ADCY3: variants seen among roughly 807,000 people sequenced by gnomAD.
ADCY3 encodes the protein adenylate cyclase type 3.
In ADCY3, 70 loss-of-function variants were observed where a neutral mutation model predicts 119.4. The ratio of observed to expected loss-of-function variants is 0.59; its 90% CI spans 0.48 to 0.72. ADCY3 has a LOEUF of 0.72. Ranked by LOEUF, ADCY3 falls within the 30% of genes least tolerant of loss-of-function variation. The pLI is 0.00. For missense variants in ADCY3, 1,238 were observed against 1,541.6 expected, an observed-to-expected ratio of 0.80 and a Z score of 3.30; for synonymous variants, 672 against 621.4, an observed-to-expected ratio of 1.08 and a Z score of -1.21.
At chr2:24,901,368 C>G (rs1340108518) in intron 2 of ADCY3, among the ~76,000 whole-genome samples, 1 of 152,140 alleles carries the variant, frequency 6.6e-6, no homozygotes, top group Non-Finnish European at 1.5e-5. Flanking sequence ...ATTTACATAA[C>G]TTAATTAAAT....
chr2:24,834,492 C>T lies in ADCY3; in HGVS notation c.1960G>A (p.Asp654Asn), dbSNP rs763246351. ...LCTALVEILIDPWLMTNYVTF... is the reference protein window; with the variant it reads ...LCTALVEILINPWLMTNYVTF... ...CCCCGGCCCCTCCCTCACCAGGGGT[C>T]GATGAGTATCTCGACCAGGGCCGTG... Residue 654 changes from aspartate to asparagine, a missense_variant, in exon 11 of 22, where the codon GAC becomes AAC. Transcript: ENST00000679454. This position sits in a 1 kb window ranked among gnomAD's most constrained non-coding sequence, Gnocchi z 4.2. 4.4e-6 allele frequency: 7 copies of T among 1,606,248 alleles called. No individual in the cohort carries two copies. Among genetic ancestry groups the T allele is most frequent in the South Asian group, 2.2e-5 (2 of 90,788 alleles).
intron 2 of ADCY3, among the ~76,000 whole-genome samples, chr2:24,917,760 G>A (rs140679955): frequency 2.6e-5 from 4 of 152,268 alleles, no homozygotes; most frequent in Non-Finnish European, 5.9e-5. Context: ...CCGAGCTCCC[G>A]GAGGCAGGAA....
intron 2 of ADCY3, among the ~76,000 whole-genome samples, chr2:24,895,247 C>G (rs902737047): frequency 6.6e-6 from 1 of 151,508 alleles, no homozygotes; most frequent in East Asian, 1.9e-4. Flanking sequence ...CACACCACCA[C>G]GCCCAGCTAA....
At chr2:24,870,116 A>C (rs1311550158) in intron 3 of ADCY3, among the ~76,000 whole-genome samples, 2 of 151,572 alleles carry the variant, frequency 1.3e-5, no homozygotes, top group African/African-American at 4.8e-5. Context: ...TTTTGAGACC[A>C]GCCTGGCCAA....
rs1247754625 is a variant in ADCY3, at chr2:24,824,404, A to G, written c.2710T>C (p.Phe904Leu). ...TCATCTCTCTTCTTGGACCCCAGGA[A>G]ATGGCGTGCCACGTGCTCAGGCAAC... ...NMLPEHVARHFLGSKKRDEEL... is the reference protein window; with the variant it reads ...NMLPEHVARHLLGSKKRDEEL... The change falls in exon 17 of 22, where the codon TTC becomes CTC. Residue 904 changes from phenylalanine (F) to leucine (L), a missense_variant. Physicochemically the swap from Phe to Leu is conservative, Grantham distance 22. This residue lies in a region of ADCY3 where 499 missense variants were observed against 571.0 expected (regional missense o/e 0.87). Transcript: ENST00000679454. The G allele has an allele frequency of 6.2e-7, 1 of 1,614,194 alleles. No individual in the cohort carries two copies.
At chr2:24,839,229 A>C (rs1367400034) in intron 7 of ADCY3, among the ~76,000 whole-genome samples, 1 of 152,184 alleles carries the variant, frequency 6.6e-6, no homozygotes, top group Non-Finnish European at 1.5e-5. Flanking sequence ...GGCGTGAGCC[A>C]CAAGATCCAA....
intron 3 of ADCY3, among the ~76,000 whole-genome samples, chr2:24,845,825 G>A (rs1671591545): frequency 6.6e-6 from 1 of 152,216 alleles, no homozygotes. Flanking sequence ...GTAGTTTCGT[G>A]GGCCAGGCCC....
At chr2:24,822,960 A>G (rs1668010916) in intron 18 of ADCY3, among the ~76,000 whole-genome samples, 1 of 152,168 alleles carries the variant, frequency 6.6e-6, no homozygotes, top group South Asian at 2.1e-4. Flanking sequence ...CAGGACAGAG[A>G]GGTCTCGAGA....
intron 3 of ADCY3, among the ~76,000 whole-genome samples, chr2:24,868,484 T>C (rs1186747542): frequency 6.6e-6 from 1 of 151,878 alleles, no homozygotes; most frequent in Non-Finnish European, 1.5e-5. Context: ...ACCCTGTCTT[T>C]ACTACAAATA....
In ADCY3 at chr2:24,841,333, G is replaced by A. The variant is rs773307411; in HGVS notation, c.1122C>T (p.Cys374=). The change falls in exon 6 of 22, where the codon TGC becomes TGT. Residue 374 remains cysteine (C), a synonymous_variant. Transcript: ENST00000679454. The surrounding 1 kb of genome is among the most constrained non-coding windows in gnomAD (Gnocchi z 5.8). ...GGTCCTCCCGGTAGTCGGGCAAGCC[G>A]CAGATGCAGTAGTAGCAGTCGCCCA... ...KILGDCYYCI[C]GLPDYREDHA... is the part of the protein sequence containing the mutation. 56 of 1,599,168 alleles carry A rather than the reference G, an allele frequency of 3.5e-5. No homozygotes were observed. In the Admixed American group the frequency reaches 5.2e-4, roughly 15 times the overall value.
chr2:24,864,452 T>C (rs1022492337), intron 3 of ADCY3, among the ~76,000 whole-genome samples: 3 of 152,028 alleles, frequency 2.0e-5, no homozygotes, highest in Admixed American at 2.0e-4. Flanking sequence ...AGCAGCACCA[T>C]TCCCAATAGC....
Position 24,834,731 on chromosome 2 carries a change from C to G in ADCY3, c.1805+63G>C, listed in dbSNP as rs1670060725. The G allele has an allele frequency of 8.1e-6, 13 of 1,601,796 alleles. No homozygotes were observed. Among genetic ancestry groups the G allele is most frequent in the African/African-American group, 1.3e-5 (1 of 74,658 alleles). ...GGGCCGTATTTGGGATGCTCAGTTT[C>G]CTGAATCCCTTGTCAGGGCCCGGGA... On this transcript the variant is annotated intron_variant, in intron 10 of 21. Coordinates refer to ENST00000679454, the MANE Select transcript of ADCY3 (RefSeq NM_004036.5). The surrounding 1 kb of genome is among the most constrained non-coding windows in gnomAD (Gnocchi z 4.2).
intron 3 of ADCY3, among the ~76,000 whole-genome samples, chr2:24,865,487 A>ATCTC (rs1212442986): frequency 6.9e-5 from 7 of 101,688 alleles, no homozygotes; most frequent in African/African-American, 3.0e-4. Context: ...ATAGGCTATC[A>ATCTC]TCTGTGTGTG....
At chr2:24,902,017 T>C (rs561678549) in intron 2 of ADCY3, among the ~76,000 whole-genome samples, 1 of 150,230 alleles carries the variant, frequency 6.7e-6, no homozygotes, top group South Asian at 2.1e-4. Context: ...TTTTAGTAGA[T>C]GGCACACATT....
Position 24,878,826 on chromosome 2 carries a change from C to T in ADCY3, c.676-6107G>A, listed in dbSNP as rs1012920770. Among the ~76,000 whole-genome samples the T allele has an allele frequency of 6.6e-6, 1 of 152,188 alleles. No homozygotes were observed. Among genetic ancestry groups the T allele is most frequent in the Non-Finnish European group, 1.5e-5 (1 of 68,030 alleles). On this transcript the variant is annotated intron_variant, in intron 2 of 21. Transcript: ENST00000679454. The surrounding 1 kb of genome is among the most constrained non-coding windows in gnomAD (Gnocchi z 4.0). Reference sequence around the variant, plus strand: ...GTCCCTATGAAATGTCCCTACCCCTCAGAGGCCTTCCCTGCCCACCCCTAC... The same window carrying T: ...GTCCCTATGAAATGTCCCTACCCCTTAGAGGCCTTCCCTGCCCACCCCTAC...
intron 2 of ADCY3, among the ~76,000 whole-genome samples, chr2:24,907,952 C>G (rs562252288): frequency 6.6e-6 from 1 of 152,162 alleles, no homozygotes; most frequent in East Asian, 1.9e-4. Flanking sequence ...TGATATTGTT[C>G]CACTGCACTC....
In ADCY3 at chr2:24,878,856, T is replaced by G. The variant is rs1572969028; in HGVS notation, c.676-6137A>C. Among the ~76,000 whole-genome samples the G allele has an allele frequency of 6.6e-6, 1 of 152,188 alleles. No individual in the cohort carries two copies. The highest frequency in any genetic ancestry group is 1.9e-4 in the East Asian group (1 of 5,160). ...GCCTTCCCTGCCCACCCCTACTCAT[T>G]CTCCAGTCCTGCTTTGAGGCCCAGC... On this transcript the variant is annotated intron_variant, in intron 2 of 21. Coordinates refer to ENST00000679454, the MANE Select transcript of ADCY3 (RefSeq NM_004036.5). This position sits in a 1 kb window ranked among gnomAD's most constrained non-coding sequence, Gnocchi z 4.0.
chr2:24,870,159 A>T (rs535775212), intron 3 of ADCY3, among the ~76,000 whole-genome samples: 30 of 146,266 alleles, frequency 2.1e-4, no homozygotes, highest in South Asian at 1.3e-3. Context: ...TAAAAATATA[A>T]AAAAAAAAAA....
intron 2 of ADCY3, among the ~76,000 whole-genome samples, chr2:24,881,309 C>T (rs1299347915): frequency 3.3e-5 from 5 of 152,208 alleles, no homozygotes; most frequent in Admixed American, 6.5e-5. Flanking sequence ...GTGAGGAATG[C>T]CTGGCATGAG....
Sources: gnomAD v4.1 joint callset for allele counts (sites outside exome capture counted in the v4.1 genomes callset) on GRCh38, gnomAD v4.1.1 for gene constraint, gnomAD v4.1.1 regional missense constraint, Gnocchi (gnomAD v3.1) non-coding constraint, MANE v1.5 for transcripts, NCBI Gene and HGNC (gene_info 2026-07-23, HGNC 2026-07-21) for gene names.